The following TDP1 variants were observed in gnomAD, a reference collection of about 807,000 sequenced individuals.
TDP1 encodes the protein tyrosyl-DNA phosphodiesterase 1.
A neutral mutation model predicts 81.5 loss-of-function variants in TDP1; 64 were observed. The ratio of observed to expected loss-of-function variants is 0.79; its 90% CI spans 0.64 to 0.97. TDP1 has a LOEUF of 0.97. Ranked by LOEUF, TDP1 falls within the 50% of genes least tolerant of loss-of-function variation. The probability of loss-of-function intolerance (pLI) is 0.00; values close to 1 mark genes in which losing one functional copy is unlikely to be tolerated. For synonymous variants in TDP1, 256 were observed against 264.3 expected, an observed-to-expected ratio of 0.97 and a Z score of 0.30; for missense variants, 723 against 743.8, an observed-to-expected ratio of 0.97 and a Z score of 0.33.
At chr14:90,015,732 C>G (rs1378464345) in intron 14 of TDP1, among the ~76,000 whole-genome samples, 5 of 152,172 alleles carry the variant, frequency 3.3e-5, no homozygotes, top group Non-Finnish European at 7.3e-5. Context: ...TTTATAAGGG[C>G]ACCAGTCTCA....
At chr14:89,988,164 C>T (rs567159406) in intron 10 of TDP1, among the ~76,000 whole-genome samples, 1 of 152,224 alleles carries the variant, frequency 6.6e-6, no homozygotes, top group African/African-American at 2.4e-5. Flanking sequence ...CTTTCATGCC[C>T]TCTCTGGATG....
chr14:89,955,839 T>G (rs1045318987), upstream of TDP1: 3 of 152,396 alleles, frequency 2.0e-5, no homozygotes, highest in East Asian at 1.9e-4. Flanking sequence ...GACCCAGCGG[T>G]GGGCTCTCCG....
chr14:89,997,122 G>C (rs1002245322), intron 14 of TDP1, among the ~76,000 whole-genome samples: 1 of 152,170 alleles, frequency 6.6e-6, no homozygotes, highest in African/African-American at 2.4e-5. Flanking sequence ...CACTTCTGGA[G>C]CCTGGTGGCT....
intron 4 of TDP1, among the ~76,000 whole-genome samples, 187 bp downstream of exon 4, chr14:89,966,377 G>T (rs1201047599): frequency 1.3e-5 from 2 of 152,190 alleles, no homozygotes; most frequent in African/African-American, 4.8e-5. Flanking sequence ...ATAGAATGGG[G>T]ATGTCACTAT....
intron 5 of TDP1, among the ~76,000 whole-genome samples, chr14:89,970,120 C>T (rs1052627195): frequency 2.6e-5 from 4 of 152,034 alleles, no homozygotes; most frequent in African/African-American, 9.7e-5. Flanking sequence ...TCGTGATCTG[C>T]CCGCCTCGGC....
At chr14:90,017,436 T>C (rs1409791413) in intron 14 of TDP1, among the ~76,000 whole-genome samples, 1 of 152,178 alleles carries the variant, frequency 6.6e-6, no homozygotes, top group Non-Finnish European at 1.5e-5. Context: ...GTTTCTAAGG[T>C]TCCAAATGCT....
chr14:89,981,926 GC>G (rs1307812003), intron 8 of TDP1, among the ~76,000 whole-genome samples: 2 of 151,382 alleles, frequency 1.3e-5, no homozygotes, highest in African/African-American at 4.9e-5. Context: ...CTCCCAAAGT[GC>G]TGAGATTACA....
intron 15 of TDP1, among the ~76,000 whole-genome samples, chr14:90,028,625 T>G (rs1886917427): frequency 6.6e-6 from 1 of 152,236 alleles, no homozygotes; most frequent in Non-Finnish European, 1.5e-5. Flanking sequence ...CACTGTGATA[T>G]ATAAATAATG....
chr14:89,963,446 A>G lies in TDP1; in HGVS notation c.332A>G (p.Lys111Arg). 3.1e-6 allele frequency: 5 copies of G among 1,613,534 alleles called. No individual in the cohort carries two copies. Among genetic ancestry groups the G allele is most frequent in the Non-Finnish European group, 4.2e-6 (5 of 1,179,670 alleles). Residue 111 changes from lysine (K) to arginine (R), a missense_variant, in exon 3 of 17, where the codon AAA (lysine) becomes AGA (arginine). Coordinates refer to ENST00000335725, the MANE Select transcript of TDP1 (RefSeq NM_018319.4). The stretch of plus-strand genomic sequence containing the variant: ...AAGCAGGCTGAGAAAGTGGTGATCA[A>G]AAAGGAGAAAGACATCTCTGCTCCC... ...PQKQAEKVVIKKEKDISAPND... is the reference protein window; with the variant it reads ...PQKQAEKVVIRKEKDISAPND...
intron 14 of TDP1, among the ~76,000 whole-genome samples, chr14:90,003,895 G>A (rs1897399542): frequency 6.6e-6 from 1 of 152,234 alleles, no homozygotes; most frequent in East Asian, 1.9e-4. Context: ...CTGTTGCTTT[G>A]ATTCTGAAAC....
intron 12 of TDP1, among the ~76,000 whole-genome samples, chr14:89,990,956 T>C (rs1458768467): frequency 6.6e-6 from 1 of 152,214 alleles, no homozygotes; most frequent in African/African-American, 2.4e-5. Flanking sequence ...TTATTCTCTT[T>C]GCAAGAATAA....
intron 13 of TDP1, 36 bp downstream of exon 13, chr14:89,992,019 T>C: frequency 6.4e-7 from 1 of 1,566,998 alleles, no homozygotes; most frequent in Non-Finnish European, 8.8e-7. Context: ...TATTGCTTCT[T>C]TAGGAATTAG....
intron 2 of TDP1, among the ~76,000 whole-genome samples, chr14:89,960,306 A>G (rs138158761): frequency 1.3e-5 from 2 of 152,244 alleles, no homozygotes; most frequent in African/African-American, 4.8e-5. Flanking sequence ...GATTAAAAAC[A>G]TTTAAAAAAC....
chr14:89,989,216 C>T lies in TDP1; in HGVS notation c.1317+126C>T, dbSNP rs541746602. 3.7e-5 allele frequency: 34 copies of T among 915,914 alleles called. No individual in the cohort carries two copies. In the East Asian group the frequency reaches 5.2e-4, roughly 14 times the overall value. 56.7% of individuals were successfully genotyped at this position (915,914 alleles called of 1,614,324 possible). A position where few individuals can be genotyped will look rare whatever the true frequency, so the allele number is the denominator to read the frequency against. On this transcript the variant is annotated intron_variant, in intron 11 of 16. Coordinates refer to ENST00000335725, the MANE Select transcript of TDP1 (RefSeq NM_018319.4). The stretch of plus-strand genomic sequence containing the variant: ...GATTCTTTTTTTTTTTTTGGCGTGG[C>T]GGGGGCGGGGTGCGGAAAGAGCAGT...
chr14:90,002,733 C>T (rs765325471), intron 14 of TDP1, among the ~76,000 whole-genome samples: 1 of 148,962 alleles, frequency 6.7e-6, no homozygotes, highest in Non-Finnish European at 1.5e-5. Context: ...GCGGGGGATG[C>T]TTGGTGGTGT....
intron 14 of TDP1, among the ~76,000 whole-genome samples, chr14:89,998,456 A>G (rs1007489062): frequency 4.4e-5 from 6 of 137,736 alleles, no homozygotes; most frequent in African/African-American, 1.5e-4. Flanking sequence ...GTATATGTAT[A>G]TATATGTATA....
chr14:89,994,313 A>G (rs1482145020), intron 14 of TDP1, among the ~76,000 whole-genome samples: 3 of 152,180 alleles, frequency 2.0e-5, no homozygotes, highest in South Asian at 2.1e-4. Context: ...GGCTCATGCA[A>G]TTGTAGGGGC....
intron 8 of TDP1, among the ~76,000 whole-genome samples, chr14:89,982,202 C>T (rs754934136): frequency 6.6e-6 from 1 of 152,006 alleles, no homozygotes; most frequent in East Asian, 1.9e-4. Flanking sequence ...TTTCTATAAA[C>T]ATGTTATAAT....
chr14:90,036,184 A>G (rs1887798346), intron 16 of TDP1, among the ~76,000 whole-genome samples: 2 of 152,128 alleles, frequency 1.3e-5, no homozygotes, highest in South Asian at 4.1e-4. Flanking sequence ...AAAAATAAAG[A>G]TACATACAAG....
Sources: allele counts gnomAD v4.1 joint callset (sites outside exome capture counted in the v4.1 genomes callset), GRCh38; gene constraint gnomAD v4.1.1; transcripts MANE v1.5; gene names NCBI Gene and HGNC (gene_info 2026-07-23, HGNC 2026-07-21).